RGS17: variants seen among roughly 807,000 people sequenced by gnomAD.
RGS17 encodes the protein regulator of G protein signaling 17.
In RGS17, 12 loss-of-function variants were observed where a neutral mutation model predicts 25.5. The observed-to-expected ratio is 0.47, with a 90% CI of 0.30 to 0.76. RGS17 has a LOEUF of 0.76. Ranked by LOEUF, RGS17 falls within the 30% of genes least tolerant of loss-of-function variation. The pLI, the probability that RGS17 is intolerant of heterozygous loss-of-function variation, is 0.07. For missense variants in RGS17, 196 were observed against 242.2 expected, an observed-to-expected ratio of 0.81 and a Z score of 1.27; for synonymous variants, 71 against 76.9, an observed-to-expected ratio of 0.92 and a Z score of 0.40.
chr6:153,020,721 C>G (rs934998496), intron 4 of RGS17, among the ~76,000 whole-genome samples: 2 of 152,056 alleles, frequency 1.3e-5, no homozygotes, highest in Admixed American at 1.3e-4. Context: ...AATTTTTAGG[C>G]ATTACCATTT....
chr6:153,064,438 G>A (rs1410156415), intron 1 of RGS17, among the ~76,000 whole-genome samples: 1 of 152,118 alleles, frequency 6.6e-6, no homozygotes, highest in East Asian at 1.9e-4. Flanking sequence ...AGACCATCCT[G>A]GCTAACATGG....
intron 1 of RGS17, among the ~76,000 whole-genome samples, chr6:153,058,539 T>C (rs1012748538): frequency 6.6e-6 from 1 of 152,202 alleles, no homozygotes; most frequent in African/African-American, 2.4e-5. Flanking sequence ...CGCTGTCTTG[T>C]CATGGTTGTT....
At chr6:153,122,076 T>C (rs1777640495) in intron 1 of RGS17, among the ~76,000 whole-genome samples, 1 of 152,188 alleles carries the variant, frequency 6.6e-6, no homozygotes, top group East Asian at 1.9e-4. Flanking sequence ...TAAGATATAA[T>C]GAGTTTTTAA....
rs117520141 is a variant in RGS17 at position 153,085,382 on chromosome 6, A to G, written c.-25-41339T>C. On this transcript the variant is annotated intron_variant, in intron 1 of 4. Coordinates refer to ENST00000206262, the MANE Select transcript of RGS17 (RefSeq NM_012419.5). ...GCACTTAAGTGAATTCCATCAGGAT[A>G]ACACTGGAAATGAGCAGCTGGGTCA... Among the ~76,000 whole-genome samples the G allele has an allele frequency of 1.2e-4, 18 of 152,318 alleles. No individual in the cohort carries two copies. In the East Asian group the frequency reaches 3.5e-3, roughly 29 times the overall value.
intron 1 of RGS17, among the ~76,000 whole-genome samples, chr6:153,115,323 C>T (rs1777528687): frequency 6.6e-6 from 1 of 152,176 alleles, no homozygotes; most frequent in Non-Finnish European, 1.5e-5. Flanking sequence ...AGTGTACTCC[C>T]ATTCACAATT....
In RGS17 at chr6:153,113,688, C is replaced by T. The variant is rs552932597; in HGVS notation, c.-26+17436G>A. 2.0e-5 allele frequency among the ~76,000 whole-genome samples: 3 copies of T among 152,288 alleles called. No homozygotes were observed. The South Asian group carries it at 6.2e-4, about 32-fold the overall frequency. On this transcript the variant is annotated intron_variant, in intron 1 of 4. Coordinates refer to ENST00000206262, the MANE Select transcript of RGS17 (RefSeq NM_012419.5). ...TGACCACATAATTGGAAGTAAAACA[C>T]TCCTCAGCAAATGCAAAAGAATGGA...
At chr6:153,051,123 G>T (rs1004742279) in intron 1 of RGS17, among the ~76,000 whole-genome samples, 1 of 152,210 alleles carries the variant, frequency 6.6e-6, no homozygotes, top group African/African-American at 2.4e-5. Context: ...ATAAATGTCT[G>T]TTATTGATAA....
intron 4 of RGS17, among the ~76,000 whole-genome samples, chr6:153,021,413 G>A (rs1456554738): frequency 6.6e-6 from 1 of 152,198 alleles, no homozygotes; most frequent in East Asian, 1.9e-4. Context: ...GTACATAATA[G>A]ATTGAACTGG....
intron 1 of RGS17, among the ~76,000 whole-genome samples, chr6:153,110,241 G>C (rs1281962): frequency 0.62 from 94,445 of 151,908 alleles, 30,368 homozygotes; most frequent in East Asian, 0.88. Flanking sequence ...TTTAAACAAC[G>C]AGTCCACATT....
rs1779131520 is a variant in RGS17 at position 153,011,421 on chromosome 6, G to C, written c.*153C>G. The stretch of plus-strand genomic sequence containing the variant: ...TCCAAACTTAACCATGGAAAACCTT[G>C]ATAAAAATGGAGACAAAGACCATAA... On this transcript the variant is annotated 3_prime_UTR_variant, in exon 5 of 5. Transcript: ENST00000206262. 1.0e-5 allele frequency: 6 copies of C among 591,520 alleles called. No individual in the cohort carries two copies. The Admixed American group carries it at 1.7e-4, about 17-fold the overall frequency. 36.6% of individuals were successfully genotyped at this position (591,520 alleles called of 1,614,324 possible). A position where few individuals can be genotyped will look rare whatever the true frequency, so the allele number is the denominator to read the frequency against.
At chr6:153,119,876 C>T (rs1252215008) in intron 1 of RGS17, among the ~76,000 whole-genome samples, 1 of 152,148 alleles carries the variant, frequency 6.6e-6, no homozygotes, top group Non-Finnish European at 1.5e-5. Context: ...TTATTTTCAT[C>T]ATATCATTGG....
At chr6:153,109,820 A>C (rs955829735) in intron 1 of RGS17, among the ~76,000 whole-genome samples, 2 of 152,196 alleles carry the variant, frequency 1.3e-5, no homozygotes, top group African/African-American at 4.8e-5. Flanking sequence ...GCTTGTCCGG[A>C]ACCTTGGGGA....
At chr6:153,108,157 T>C (rs571336796) in intron 1 of RGS17, among the ~76,000 whole-genome samples, 2 of 152,338 alleles carry the variant, frequency 1.3e-5, no homozygotes, top group East Asian at 1.9e-4. Flanking sequence ...ATTCATTTCA[T>C]TCCCATTCTG....
chr6:153,079,777 G>A (rs1776944862), intron 1 of RGS17, among the ~76,000 whole-genome samples: 1 of 151,884 alleles, frequency 6.6e-6, no homozygotes, highest in South Asian at 2.1e-4. Context: ...TTAATTTAAT[G>A]TTCATACAAG....
intron 1 of RGS17, among the ~76,000 whole-genome samples, chr6:153,045,296 G>A (rs946866173): frequency 2.0e-4 from 31 of 152,326 alleles, no homozygotes; most frequent in African/African-American, 6.7e-4. Flanking sequence ...GCTCCCCTAG[G>A]AGGAGTGGGA....
chr6:153,096,439 C>T (rs187503288), intron 1 of RGS17, among the ~76,000 whole-genome samples: 5 of 152,320 alleles, frequency 3.3e-5, no homozygotes, highest in Admixed American at 3.3e-4. Context: ...GACTTAAATG[C>T]TCAATAAGCA....
chr6:153,104,823 CAA>C (rs113931901), intron 1 of RGS17, among the ~76,000 whole-genome samples: 27 of 87,458 alleles, frequency 3.1e-4, no homozygotes, highest in Admixed American at 3.9e-4. Flanking sequence ...ACTCTTGTCT[CAA>C]AAAAAAAAAA....
At chr6:153,052,724 A>G (rs956552773) in intron 1 of RGS17, among the ~76,000 whole-genome samples, 30 of 152,278 alleles carry the variant, frequency 2.0e-4, no homozygotes, top group African/African-American at 7.2e-4. Context: ...TGTATTCTGC[A>G]TGTGAAGACA....
chr6:153,084,073 T>TAA (rs1777020339), intron 1 of RGS17, among the ~76,000 whole-genome samples: 1 of 152,196 alleles, frequency 6.6e-6, no homozygotes. Context: ...ATTTCCTTTA[T>TAA]TTAGCAGAAG....
Sources: allele counts gnomAD v4.1 joint callset (sites outside exome capture counted in the v4.1 genomes callset), GRCh38; gene constraint gnomAD v4.1.1; transcripts MANE v1.5; gene names NCBI Gene and HGNC (gene_info 2026-07-23, HGNC 2026-07-21).